RPS6KC1: variants seen among roughly 807,000 people sequenced by gnomAD.
RPS6KC1 encodes the protein inactive ribosomal protein S6 kinase delta-1.
In RPS6KC1, 54 loss-of-function variants were observed where a neutral mutation model predicts 103.8. The observed-to-expected ratio is 0.52, with a 90% CI of 0.42 to 0.65. The LOEUF (loss-of-function observed/expected upper bound fraction) is 0.65, where lower values mean the gene tolerates loss of function less well. Among genes scored for constraint, RPS6KC1 ranks in the 30% least tolerant of loss-of-function variants. RPS6KC1 has a pLI of 0.00. For synonymous variants in RPS6KC1, 439 were observed against 438.7 expected (o/e 1.00, Z -0.01); for missense variants, 1,151 against 1,253.8 (o/e 0.92, Z 1.24).
intron 1 of RPS6KC1, among the ~76,000 whole-genome samples, chr1:213,069,795 A>G (rs1017066287): frequency 1.3e-5 from 2 of 152,252 alleles, no homozygotes; most frequent in African/African-American, 4.8e-5. Flanking sequence ...TGCAAAATAC[A>G]CCATTGTAGC....
chr1:213,167,815 T>G (rs1304773784), intron 6 of RPS6KC1, 43 bp from the exon 7 acceptor site: 1 of 1,306,168 alleles, frequency 7.7e-7, no homozygotes, highest in South Asian at 1.3e-5. Context: ...CAGGTTGAAC[T>G]GAGGAAAATT....
the RPS6KC1 span, among the ~76,000 whole-genome samples, chr1:213,427,168 T>C: frequency 6.6e-6 from 1 of 152,216 alleles, no homozygotes; most frequent in Non-Finnish European, 1.5e-5. Context: ...CTGTTTATAA[T>C]ATTGCATTGA....
chr1:213,358,149 G>A, the RPS6KC1 span, among the ~76,000 whole-genome samples: 104 of 95,568 alleles, frequency 1.1e-3, no homozygotes, highest in African/African-American at 2.6e-3. Context: ...CTGGCCTCAT[G>A]AAATGAGTTA....
the RPS6KC1 span, among the ~76,000 whole-genome samples, chr1:213,411,883 C>T: frequency 1.3e-5 from 2 of 152,136 alleles, no homozygotes; most frequent in Non-Finnish European, 1.5e-5. Flanking sequence ...CACCAATGGG[C>T]GTGGGGTGAG....
chr1:213,668,394 C>T, the RPS6KC1 span, among the ~76,000 whole-genome samples: 1 of 114,050 alleles, frequency 8.8e-6, no homozygotes, highest in African/African-American at 2.7e-5. Context: ...GAACCTTCCC[C>T]CCGCCGCACC....
chr1:213,783,790 C>T, the RPS6KC1 span, among the ~76,000 whole-genome samples: 1 of 105,524 alleles, frequency 9.5e-6, no homozygotes, highest in Non-Finnish European at 1.8e-5. Flanking sequence ...ATGACAGGAC[C>T]GTCAAATGAA....
At chr1:213,578,391 G>T in the RPS6KC1 span, among the ~76,000 whole-genome samples, 1 of 152,224 alleles carries the variant, frequency 6.6e-6, no homozygotes, top group African/African-American at 2.4e-5. Context: ...GCACTGCCTA[G>T]TAGAGCTGTG....
the RPS6KC1 span, among the ~76,000 whole-genome samples, chr1:213,472,725 G>T: frequency 6.6e-6 from 1 of 152,120 alleles, no homozygotes; most frequent in Non-Finnish European, 1.5e-5. Context: ...AAGTGGAATG[G>T]CTATAGAAAA....
At chr1:213,853,088 G>A in the RPS6KC1 span, among the ~76,000 whole-genome samples, 1 of 152,166 alleles carries the variant, frequency 6.6e-6, no homozygotes, top group Admixed American at 6.5e-5. Flanking sequence ...CAATTGTCAA[G>A]GGGGAGAACA....
chr1:213,253,859 G>C (rs949835662), intron 12 of RPS6KC1, among the ~76,000 whole-genome samples: 1 of 151,986 alleles, frequency 6.6e-6, no homozygotes, highest in African/African-American at 2.4e-5. Flanking sequence ...CTTTACTTTT[G>C]GGAGCCAAGC....
At chr1:213,479,916 T>G in the RPS6KC1 span, among the ~76,000 whole-genome samples, 2 of 152,002 alleles carry the variant, frequency 1.3e-5, no homozygotes, top group African/African-American at 2.4e-5. Flanking sequence ...TATACAAAGG[T>G]ACCCTGTAAA....
intron 10 of RPS6KC1, among the ~76,000 whole-genome samples, chr1:213,238,588 G>A (rs567998836): frequency 5.9e-5 from 9 of 152,264 alleles, no homozygotes; most frequent in Middle Eastern, 3.4e-3. Flanking sequence ...GGATCTAGTC[G>A]TAGTTATAGC....
intron 4 of RPS6KC1, among the ~76,000 whole-genome samples, chr1:213,108,271 G>A (rs970742353): frequency 2.6e-5 from 4 of 151,962 alleles, no homozygotes; most frequent in African/African-American, 9.7e-5. Flanking sequence ...TTTTATATAC[G>A]GTGTGAAGGA....
chr1:213,272,645 G>C lies in RPS6KC1; in HGVS notation c.*11G>C, dbSNP rs2095072534. ...GAACTGATGAGATGAACGTAATGCA[G>C]GGTTATCTTCACACATTCTGATCTT... On this transcript the variant is annotated 3_prime_UTR_variant, in exon 15 of 15. Coordinates refer to ENST00000366960, the MANE Select transcript of RPS6KC1 (RefSeq NM_012424.6). 6.3e-7 allele frequency: 1 copy of C among 1,579,278 alleles called. No individual in the cohort carries two copies. Among genetic ancestry groups the C allele is most frequent in the African/African-American group, 1.3e-5 (1 of 74,228 alleles).
At chr1:213,550,491 A>G in the RPS6KC1 span, among the ~76,000 whole-genome samples, 3 of 152,172 alleles carry the variant, frequency 2.0e-5, no homozygotes, top group African/African-American at 7.2e-5. Flanking sequence ...TCGAGACTGC[A>G]GATTGAAGCT....
chr1:213,325,465 T>C, the RPS6KC1 span, among the ~76,000 whole-genome samples: 1 of 152,238 alleles, frequency 6.6e-6, no homozygotes, highest in East Asian at 1.9e-4. Flanking sequence ...CGCAGTGGTT[T>C]GCAGGGAATA....
chr1:213,441,398 G>T, the RPS6KC1 span, among the ~76,000 whole-genome samples: 1 of 152,020 alleles, frequency 6.6e-6, no homozygotes. Flanking sequence ...GCTCCTATGG[G>T]TTCAATTGTT....
chr1:213,138,943 G>A (rs1478156468), intron 6 of RPS6KC1, among the ~76,000 whole-genome samples: 1 of 152,146 alleles, frequency 6.6e-6, no homozygotes. Flanking sequence ...GCTTTCCACA[G>A]TGGCTGAACT....
the RPS6KC1 span, among the ~76,000 whole-genome samples, chr1:213,294,534 G>C: frequency 6.6e-6 from 1 of 152,100 alleles, no homozygotes; most frequent in South Asian, 2.1e-4. Context: ...TAGCTGACCA[G>C]AGCATTTAAG....
Sources: gnomAD v4.1 joint callset for allele counts (sites outside exome capture counted in the v4.1 genomes callset) on GRCh38, gnomAD v4.1.1 for gene constraint, MANE v1.5 for transcripts, NCBI Gene and HGNC (gene_info 2026-07-23, HGNC 2026-07-21) for gene names.